The following GPR146 variants were observed in gnomAD, a reference collection of about 807,000 sequenced individuals.
The protein encoded by GPR146 is G protein-coupled receptor 146.
For missense variants in GPR146, 381 were observed against 213.9 expected (o/e 1.78, Z -4.87); for synonymous variants, 203 against 104.3 (o/e 1.95, Z -5.77).
chr7:1,054,600 C>A lies in GPR146; in HGVS notation c.-24-2892C>A, dbSNP rs1005564703. ...CCATTCTTAGCCCTGCAGACGCTGGCTGCCTCCCTCTGACTTGGCCTCACG... is the reference window on the plus strand; with the variant it reads ...CCATTCTTAGCCCTGCAGACGCTGGATGCCTCCCTCTGACTTGGCCTCACG... On this transcript the variant is annotated intron_variant, in intron 1 of 1. Coordinates refer to ENST00000444847, the MANE Select transcript of GPR146 (RefSeq NM_001303473.2). Among the ~76,000 whole-genome samples, 85 of 152,372 alleles carry A rather than the reference C, an allele frequency of 5.6e-4. 2 individuals are homozygous for A. The highest frequency in any genetic ancestry group is 1.0e-4 in the Non-Finnish European group (7 of 68,030).
At chr7:1,050,531 G>T (rs1235091763) in intron 1 of GPR146, among the ~76,000 whole-genome samples, 1 of 152,218 alleles carries the variant, frequency 6.6e-6, no homozygotes, top group Admixed American at 6.5e-5. Context: ...TGAGCCTGGG[G>T]CTCCCAGCTC....
intron 1 of GPR146, chr7:1,045,284 G>A (rs141377090): frequency 1.2e-3 from 184 of 152,368 alleles, no homozygotes; most frequent in African/African-American, 4.2e-3. Context: ...GCTTATCTCT[G>A]CATGCATGCT....
In GPR146 at chr7:1,052,534, G is replaced by C. The variant is rs181775566; in HGVS notation, c.-24-4958G>C. Among the ~76,000 whole-genome samples, 26 of 152,270 alleles carry C rather than the reference G, an allele frequency of 1.7e-4. No homozygotes were observed. The highest frequency in any genetic ancestry group is 1.1e-3 in the Admixed American group (17 of 15,306). ...AGGAGCAGGGCCTGGCGGAAGAAGT[G>C]GGGGAGCCAGGAAGGAGCAGCTGCC... is the stretch of plus-strand genomic sequence containing the variant. On this transcript the variant is annotated intron_variant, in intron 1 of 1. Transcript: ENST00000444847. The surrounding 1 kb of genome is among the most constrained non-coding windows in gnomAD (Gnocchi z 4.2).
intron 1 of GPR146, among the ~76,000 whole-genome samples, chr7:1,047,314 T>A (rs1429824994): frequency 6.6e-6 from 1 of 152,216 alleles, no homozygotes; most frequent in Non-Finnish European, 1.5e-5. Flanking sequence ...GGCATTCTCT[T>A]TGTTTATAGT....
At chr7:1,044,981 T>C (rs1185627358) in intron 1 of GPR146, among the ~76,000 whole-genome samples, 1 of 152,366 alleles carries the variant, frequency 6.6e-6, no homozygotes, top group Middle Eastern at 3.4e-3. Flanking sequence ...CTGATCCTGC[T>C]CTCCTGGGCC....
chr7:1,051,296 G>C (rs183624403), intron 1 of GPR146, among the ~76,000 whole-genome samples: 11 of 152,360 alleles, frequency 7.2e-5, no homozygotes, highest in African/African-American at 2.6e-4. Context: ...GCTCTCTAGG[G>C]TGCACCTGGT....
intron 1 of GPR146, among the ~76,000 whole-genome samples, chr7:1,050,075 T>C (rs1482840058): frequency 1.3e-5 from 2 of 152,232 alleles, no homozygotes; most frequent in Admixed American, 6.5e-5. Context: ...GGCCCCACTC[T>C]GAACCGCAAG....
At chr7:1,056,725 G>C (rs565387415) in intron 1 of GPR146, 1 of 152,218 alleles carries the variant, frequency 6.6e-6, no homozygotes, top group Non-Finnish European at 1.5e-5. Context: ...GCATGGGAAC[G>C]ATGCCGTCTG....
Position 1,058,035 on chromosome 7 carries a change from C to G in GPR146, c.520C>G (p.Arg174Gly). 1 of 769,234 alleles carries G rather than the reference C, an allele frequency of 1.3e-6. No individual in the cohort carries two copies. Among genetic ancestry groups the G allele is most frequent in the South Asian group, 1.3e-5 (1 of 74,626 alleles). The allele number at this position is 769,234 out of a possible 1,614,324, so 47.7% of individuals were successfully genotyped here. A position where few individuals can be genotyped will look rare whatever the true frequency, so the allele number is the denominator to read the frequency against. The change falls in exon 2 of 2, where the codon CGC (arginine) becomes GGC (glycine). Residue 174 changes from arginine (R) to glycine (G), a missense_variant. Arg to Gly is a moderately radical substitution (Grantham distance 125, BLOSUM62 -2). Transcript: ENST00000444847. ...LFYICSHVSTRALECAKMQNA... is the reference protein window; with the variant it reads ...LFYICSHVSTGALECAKMQNA... ...CTACATCTGCAGCCATGTGTCCACC[C>G]GCGCGCTAGAGTGCGCCAAGATGCA...
At chr7:1,049,641 A>G (rs974226509) in intron 1 of GPR146, among the ~76,000 whole-genome samples, 1 of 152,188 alleles carries the variant, frequency 6.6e-6, no homozygotes, top group African/African-American at 2.4e-5. Flanking sequence ...GCCCCTGCAG[A>G]CAGCAGGGCA....
intron 1 of GPR146, among the ~76,000 whole-genome samples, 196 bp from the exon 2 acceptor site, chr7:1,057,296 C>G (rs1458024263): frequency 6.6e-6 from 1 of 152,190 alleles, no homozygotes; most frequent in East Asian, 1.9e-4. Context: ...GCAGCCACAG[C>G]AGCCCCCGGT....
chr7:1,045,471 T>C lies in GPR146; in HGVS notation c.-25+813T>C, dbSNP rs182180492. On this transcript the variant is annotated intron_variant, in intron 1 of 1. Transcript: ENST00000444847. ...CTGCAGCACCTAGCAGAGGCCAGCA[T>C]TCAATAACAGAGGGCCAAGAGGCTT... The C allele has an allele frequency of 1.2e-4, 19 of 152,364 alleles. 1 individual carries two copies. The highest frequency in any genetic ancestry group is 4.1e-4 in the African/African-American group (17 of 41,576). The allele number at this position is 152,364 out of a possible 1,614,324, so 9.4% of individuals were successfully genotyped here.
intron 1 of GPR146, among the ~76,000 whole-genome samples, chr7:1,049,186 C>T (rs1369335726): frequency 6.6e-6 from 1 of 152,198 alleles, no homozygotes; most frequent in Non-Finnish European, 1.5e-5. Flanking sequence ...TTGTTGTCAC[C>T]CCCACCCTGC....
At chr7:1,055,212 ACAG>A (rs769623011) in intron 1 of GPR146, 25 of 470,048 alleles carry the variant, frequency 5.3e-5, no homozygotes, top group African/African-American at 1.0e-4. Context: ...CCGGCTGTAA[ACAG>A]CAGGAGGGAG....
At position 1,057,568 on chromosome 7, in the gene GPR146, C is replaced by G. The variant is rs548721505; in HGVS notation, c.53C>G (p.Ala18Gly). 1.7e-5 allele frequency: 13 copies of G among 772,630 alleles called. No homozygotes were observed. Among genetic ancestry groups the G allele is most frequent in the South Asian group, 9.5e-5 (7 of 73,626 alleles). The allele number at this position is 772,630 out of a possible 1,614,324, so 47.9% of individuals were successfully genotyped here. Reference sequence around the variant, plus strand: ...ACAGGGCTGGTGGAGGAGCTGCCTGCCTGCCAGGACCTGCAGCTGGGGCTG... The same window carrying G: ...ACAGGGCTGGTGGAGGAGCTGCCTGGCTGCCAGGACCTGCAGCTGGGGCTG... ...NGTGLVEELP[A>G]CQDLQLGLSL... The change falls in exon 2 of 2, where the codon GCC (alanine) becomes GGC (glycine). Residue 18 changes from alanine to glycine, a missense_variant. Ala to Gly is a moderately conservative substitution (Grantham distance 60). Coordinates refer to ENST00000444847, the MANE Select transcript of GPR146 (RefSeq NM_001303473.2).
intron 1 of GPR146, among the ~76,000 whole-genome samples, chr7:1,055,873 A>G (rs1456700560): frequency 1.3e-5 from 2 of 152,194 alleles, no homozygotes; most frequent in Non-Finnish European, 2.9e-5. Context: ...ACCCAGTCAC[A>G]GTGGCCTGTG....
chr7:1,046,333 G>A (rs564820674), intron 1 of GPR146, among the ~76,000 whole-genome samples: 4 of 152,258 alleles, frequency 2.6e-5, no homozygotes, highest in African/African-American at 9.6e-5. Context: ...CAGAGAACCC[G>A]GCCGACCGTG....
chr7:1,052,887 C>A lies in GPR146; in HGVS notation c.-24-4605C>A, dbSNP rs532982697. 6.6e-6 allele frequency among the ~76,000 whole-genome samples: 1 copy of A among 152,312 alleles called. No individual in the cohort carries two copies. Among genetic ancestry groups the A allele is most frequent in the African/African-American group, 2.4e-5 (1 of 41,566 alleles). ...TTCTGAGGGAGCCTCCAGAATCTTTCATCGCCGCCACAACAAACTCAGGCT... is the reference window on the plus strand; with the variant it reads ...TTCTGAGGGAGCCTCCAGAATCTTTAATCGCCGCCACAACAAACTCAGGCT... On this transcript the variant is annotated intron_variant, in intron 1 of 1. Transcript: ENST00000444847. The surrounding 1 kb of genome is among the most constrained non-coding windows in gnomAD (Gnocchi z 4.2).
chr7:1,044,840 C>G (rs1782428537), intron 1 of GPR146, among the ~76,000 whole-genome samples, 182 bp downstream of exon 1: 1 of 152,144 alleles, frequency 6.6e-6, no homozygotes, highest in Admixed American at 6.5e-5. Flanking sequence ...GACCGCTGTC[C>G]TCCGGCCGCG....
Sources: gnomAD v4.1 joint callset for allele counts (sites outside exome capture counted in the v4.1 genomes callset) on GRCh38, gnomAD v4.1.1 for gene constraint, Gnocchi (gnomAD v3.1) non-coding constraint, MANE v1.5 for transcripts, NCBI Gene and HGNC (gene_info 2026-07-23, HGNC 2026-07-21) for gene names.